The following SPEM2 variants were observed in gnomAD, a reference collection of about 807,000 sequenced individuals.
SPEM2 encodes SPEM family member 2.
In SPEM2, 15 loss-of-function variants were observed where a neutral mutation model predicts 9.3. The ratio of observed to expected loss-of-function variants is 1.62; its 90% confidence interval spans 1.08 to 2.50. The LOEUF is 2.50. Ranked by LOEUF, SPEM2 falls within the 30% of genes most tolerant of loss-of-function variation. SPEM2 has a pLI of 0.00. For synonymous variants in SPEM2, 268 were observed against 272.4 expected (o/e 0.98, Z 0.16); for missense variants, 678 against 690.0 (o/e 0.98, Z 0.19).
At position 7,427,212 on chromosome 17, in the gene SPEM2, G is replaced by A; in HGVS notation, c.1221G>A (p.Leu407=). 1 of 1,614,188 alleles carries A rather than the reference G, an allele frequency of 6.2e-7. No homozygotes were observed. Residue 407 remains leucine (L), a synonymous_variant, in exon 3 of 3, where the codon TTG becomes TTA. Transcript: ENST00000333870. This position sits in a 1 kb window ranked among gnomAD's most constrained non-coding sequence, Gnocchi z 5.4. ...PLTTSASLTV[L]DEASHQRTPA... is the part of the protein sequence containing the mutation. Reference sequence around the variant, plus strand: ...CTACCTCTGCCTCCCTCACGGTGTTGGACGAGGCCTCCCATCAACGGACCC... The same window carrying A: ...CTACCTCTGCCTCCCTCACGGTGTTAGACGAGGCCTCCCATCAACGGACCC...
Position 7,427,452 on chromosome 17 carries a change from C to G in SPEM2, c.1461C>G (p.Thr487=). 6.2e-7 allele frequency: 1 copy of G among 1,602,786 alleles called. No homozygotes were observed. Among genetic ancestry groups the G allele is most frequent in the Non-Finnish European group, 8.5e-7 (1 of 1,173,376 alleles). ...SSSLPPASTS[T]LRPSLHRSQT... ...CACTGCCACCGGCTTCCACCTCCAC[C>G]TTGAGGCCCTCTCTGCACAGGAGCC... The change falls in exon 3 of 3, where the codon ACC becomes ACG. Residue 487 remains threonine, a synonymous_variant. Transcript: ENST00000333870. The surrounding 1 kb of genome is among the most constrained non-coding windows in gnomAD (Gnocchi z 5.4).
Position 7,426,187 on chromosome 17 carries a change from G to A in SPEM2, c.197-1G>A. On this transcript the variant is annotated splice_acceptor_variant, in intron 2 of 2. Transcript: ENST00000333870. LOFTEE classifies it high-confidence loss of function. The surrounding 1 kb of genome is among the most constrained non-coding windows in gnomAD (Gnocchi z 5.3). ...ACTTCATGGACTCTTGCCTTCCCCA[G>A]ATGAAATTCAGGCCAGTGAAAGTCC... The A allele has an allele frequency of 1.9e-6, 3 of 1,613,062 alleles. No individual in the cohort carries two copies. The highest frequency in any genetic ancestry group is 2.5e-6 in the Non-Finnish European group (3 of 1,179,210).
Position 7,425,698 on chromosome 17 carries a change from C to G in SPEM2, c.10C>G (p.Gln4Glu). 1 of 1,613,852 alleles carries G rather than the reference C, an allele frequency of 6.2e-7. No homozygotes were observed. The highest frequency in any genetic ancestry group is 1.1e-5 in the South Asian group (1 of 91,080). MEN[Q>E]LWHNTVRCCN... is the part of the protein sequence containing the mutation. ...CTAGGACCCCCCCTCCATGGAAAAC[C>G]AGCTATGGCATAACACCGTGAGATG... The change falls in exon 1 of 3, where the codon CAG becomes GAG. Residue 4 changes from glutamine to glutamate, a missense_variant. Transcript: ENST00000333870.
At position 7,426,356 on chromosome 17, in the gene SPEM2, G is replaced by A. The variant is rs767695073; in HGVS notation, c.365G>A (p.Arg122His). ...AACCATCACAGTAGCAGTCTTCTTC[G>A]CTGTGTTCGTCGCCGCCGCCGCCGC... ...FSNHHSSSLL[R>H]CVRRRRRRHR... is the part of the protein sequence containing the mutation. The change falls in exon 3 of 3, where the codon CGC becomes CAC. Residue 122 changes from arginine to histidine, a missense_variant. Transcript: ENST00000333870. The surrounding 1 kb of genome is among the most constrained non-coding windows in gnomAD (Gnocchi z 5.3). 101 of 1,613,788 alleles carry A rather than the reference G, an allele frequency of 6.3e-5. No individual in the cohort carries two copies. The highest frequency in any genetic ancestry group is 7.3e-5 in the Non-Finnish European group (86 of 1,180,036).
At position 7,426,769 on chromosome 17, in the gene SPEM2, C is replaced by T. The variant is rs1025720494; in HGVS notation, c.778C>T (p.Arg260Cys). ...RSELRLQSYG[R>C]HGSQSRLWGN... Reference sequence around the variant, plus strand: ...TGAGCTGAGGCTGCAGTCCTATGGGCGCCACGGTTCCCAATCCCGACTGTG... The same window carrying T: ...TGAGCTGAGGCTGCAGTCCTATGGGTGCCACGGTTCCCAATCCCGACTGTG... Residue 260 changes from arginine (R) to cysteine (C), a missense_variant, in exon 3 of 3, where the codon CGC becomes TGC. By Grantham distance (180) the Arg-to-Cys change is radical. Transcript: ENST00000333870. This position sits in a 1 kb window ranked among gnomAD's most constrained non-coding sequence, Gnocchi z 5.3. 15 of 1,602,380 alleles carry T rather than the reference C, an allele frequency of 9.4e-6. No homozygotes were observed. The highest frequency in any genetic ancestry group is 1.7e-4 in the Middle Eastern group (1 of 6,018).
chr17:7,425,620 C>A lies in SPEM2; in HGVS notation c.-69C>A. On this transcript the variant is annotated 5_prime_UTR_variant, in exon 1 of 3. Coordinates refer to ENST00000333870, the MANE Select transcript of SPEM2 (RefSeq NM_175734.5). Reference sequence around the variant, plus strand: ...TTATCTCCGGGGATTGGCATGAGTGCAGTGTGGGTTGGGGCCGGGGGTGGG... The same window carrying A: ...TTATCTCCGGGGATTGGCATGAGTGAAGTGTGGGTTGGGGCCGGGGGTGGG... 6.9e-7 allele frequency: 1 copy of A among 1,440,044 alleles called. No individual in the cohort carries two copies. The allele number at this position is 1,440,044 out of a possible 1,614,324, so 89.2% of individuals were successfully genotyped here. A position where few individuals can be genotyped will look rare whatever the true frequency, so the allele number is the denominator to read the frequency against.
In SPEM2 at chr17:7,426,850, C is replaced by A. The variant is rs750562666; in HGVS notation, c.859C>A (p.Pro287Thr). ...ASSPPPPHRL[P>T]PNPSWVPVGH... Reference sequence around the variant, plus strand: ...GTCTCCACCACCTCCCCACCGGCTGCCCCCTAACCCCTCTTGGGTCCCCGT... The same window carrying A: ...GTCTCCACCACCTCCCCACCGGCTGACCCCTAACCCCTCTTGGGTCCCCGT... Residue 287 changes from proline to threonine, a missense_variant, in exon 3 of 3, where the codon CCC (proline) becomes ACC (threonine). Coordinates refer to ENST00000333870, the MANE Select transcript of SPEM2 (RefSeq NM_175734.5). The surrounding 1 kb of genome is among the most constrained non-coding windows in gnomAD (Gnocchi z 5.3). 1.2e-5 allele frequency: 19 copies of A among 1,610,618 alleles called. No individual in the cohort carries two copies. Among genetic ancestry groups the A allele is most frequent in the Middle Eastern group, 1.6e-4 (1 of 6,068 alleles).
At position 7,426,916 on chromosome 17, in the gene SPEM2, G is replaced by T. The variant is rs377350715; in HGVS notation, c.925G>T (p.Asp309Tyr). ...PYPSVGWMLYDSWDQRRRGTE... is the reference protein window; with the variant it reads ...PYPSVGWMLYYSWDQRRRGTE... ...CCCCTCAGTGGGCTGGATGCTGTAT[G>T]ACTCCTGGGATCAGCGGCGTCGTGG... Residue 309 changes from aspartate to tyrosine, a missense_variant, in exon 3 of 3, where the codon GAC becomes TAC. Coordinates refer to ENST00000333870, the MANE Select transcript of SPEM2 (RefSeq NM_175734.5). This position sits in a 1 kb window ranked among gnomAD's most constrained non-coding sequence, Gnocchi z 5.3. 504 of 1,613,352 alleles carry T rather than the reference G, an allele frequency of 3.1e-4. 8 individuals are homozygous for T. The South Asian group carries it at 5.2e-3, about 17-fold the overall frequency.
chr17:7,427,557 G>C lies in SPEM2; in HGVS notation c.*60G>C. 6.6e-7 allele frequency: 1 copy of C among 1,517,914 alleles called. No individual in the cohort carries two copies. Among genetic ancestry groups the C allele is most frequent in the Non-Finnish European group, 8.8e-7 (1 of 1,133,838 alleles). 94.0% of individuals were successfully genotyped at this position (1,517,914 alleles called of 1,614,324 possible). On this transcript the variant is annotated 3_prime_UTR_variant, in exon 3 of 3. Transcript: ENST00000333870. This position sits in a 1 kb window ranked among gnomAD's most constrained non-coding sequence, Gnocchi z 5.4. Reference sequence around the variant, plus strand: ...GGAGGGAGAGGAATAAAGAGAAACAGAGTCCAGGAAACACTGTGGTGGTCT... The same window carrying C: ...GGAGGGAGAGGAATAAAGAGAAACACAGTCCAGGAAACACTGTGGTGGTCT...
At position 7,426,706 on chromosome 17, in the gene SPEM2, G is replaced by A. The variant is rs1907622626; in HGVS notation, c.715G>A (p.Glu239Lys). 6 of 1,613,712 alleles carry A rather than the reference G, an allele frequency of 3.7e-6. No individual in the cohort carries two copies. The highest frequency in any genetic ancestry group is 1.3e-5 in the African/African-American group (1 of 74,934). The change falls in exon 3 of 3, where the codon GAG becomes AAG. Residue 239 changes from glutamate (E) to lysine (K), a missense_variant. Physicochemically the swap from Glu to Lys is moderately conservative, Grantham distance 56 (BLOSUM62 1). Transcript: ENST00000333870. This position sits in a 1 kb window ranked among gnomAD's most constrained non-coding sequence, Gnocchi z 5.3. ...LPPPSLYLSP[E>K]LRCMPKRVEA... ...ACCACCCTCTCTCTACCTGTCACCTGAGCTGCGCTGCATGCCCAAGCGTGT... is the reference window on the plus strand; with the variant it reads ...ACCACCCTCTCTCTACCTGTCACCTAAGCTGCGCTGCATGCCCAAGCGTGT...
In SPEM2 at chr17:7,425,696, A is replaced by C. The variant is rs1388306634; in HGVS notation, c.8A>C (p.Asn3Thr). Residue 3 changes from asparagine (N) to threonine (T), a missense_variant, in exon 1 of 3, where the codon AAC becomes ACC. By Grantham distance (65) the Asn-to-Thr change is moderately conservative. Transcript: ENST00000333870. The part of the protein sequence containing the change: ME[N>T]QLWHNTVRCC... ...CCCTAGGACCCCCCCTCCATGGAAA[A>C]CCAGCTATGGCATAACACCGTGAGA... The C allele has an allele frequency of 7.4e-6, 12 of 1,613,474 alleles. No homozygotes were observed. The highest frequency in any genetic ancestry group is 1.0e-5 in the Non-Finnish European group (12 of 1,179,710).
Position 7,427,250 on chromosome 17 carries a change from C to CAGTGCTGG in SPEM2, c.1260_1267dup (p.Val423GlufsTer47). On this transcript the variant is annotated frameshift_variant, in exon 3 of 3. Transcript: ENST00000333870. LOFTEE classifies it low-confidence loss of function (END_TRUNC). The surrounding 1 kb of genome is among the most constrained non-coding windows in gnomAD (Gnocchi z 5.4). ...CATCAACGGACCCCAGCTCCAAGCT[C>CAGTGCTGG]AGTGCTGGTCCCCCATTCCTCCCAG... is the stretch of plus-strand genomic sequence containing the variant. The CAGTGCTGG allele has an allele frequency of 6.2e-7, 1 of 1,614,220 alleles. No individual in the cohort carries two copies. Among genetic ancestry groups the CAGTGCTGG allele is most frequent in the South Asian group, 1.1e-5 (1 of 91,090 alleles).
At chr17:7,425,966 C>A (rs1168079787) in intron 1 of SPEM2, 27 bp from the exon 2 acceptor site, 3 of 1,613,930 alleles carry the variant, frequency 1.9e-6, no homozygotes, top group African/African-American at 2.7e-5. Flanking sequence ...GAGGGCCTGG[C>A]CTTCACTCTC....
rs767957993 is a variant in SPEM2, at chr17:7,426,624, C to A, written c.633C>A (p.Gly211=). Residue 211 remains glycine, a synonymous_variant, in exon 3 of 3, where the codon GGC becomes GGA. Coordinates refer to ENST00000333870, the MANE Select transcript of SPEM2 (RefSeq NM_175734.5). The surrounding 1 kb of genome is among the most constrained non-coding windows in gnomAD (Gnocchi z 5.3). The stretch of plus-strand genomic sequence containing the variant: ...GGGGCGGGTTTTATCAGAGAGCGGG[C>A]CTGCCCTCCAATGTGGGGCTGTGGG... The part of the protein sequence containing the change: ...RGWGGFYQRA[G]LPSNVGLWGH... 36 of 1,613,850 alleles carry A rather than the reference C, an allele frequency of 2.2e-5. No individual in the cohort carries two copies. Among genetic ancestry groups the A allele is most frequent in the Non-Finnish European group, 3.0e-5 (35 of 1,179,902 alleles).
chr17:7,426,290 G>T lies in SPEM2; in HGVS notation c.299G>T (p.Arg100Leu). ...GACCCTGTGCAGGTGAAGATGTCCCGACCCACGCAGTACTCCTCTTTCTCC... is the reference window on the plus strand; with the variant it reads ...GACCCTGTGCAGGTGAAGATGTCCCTACCCACGCAGTACTCCTCTTTCTCC... ...ILDPVQVKMS[R>L]PTQYSSFSCH... is the part of the protein sequence containing the mutation. Residue 100 changes from arginine to leucine, a missense_variant, in exon 3 of 3, where the codon CGA becomes CTA. By Grantham distance (102) the Arg-to-Leu change is moderately radical (BLOSUM62 -2). Coordinates refer to ENST00000333870, the MANE Select transcript of SPEM2 (RefSeq NM_175734.5). The surrounding 1 kb of genome is among the most constrained non-coding windows in gnomAD (Gnocchi z 5.3). 6.2e-7 allele frequency: 1 copy of T among 1,614,084 alleles called. No individual in the cohort carries two copies. The highest frequency in any genetic ancestry group is 1.1e-5 in the South Asian group (1 of 91,070).
Position 7,427,511 on chromosome 17 carries a change from G to A in SPEM2, c.*14G>A. Reference sequence around the variant, plus strand: ...AAACTCAACTGACCAGCAGGCGGATGTGGGGTGTGGGGCAGGGCATGGAGG... The same window carrying A: ...AAACTCAACTGACCAGCAGGCGGATATGGGGTGTGGGGCAGGGCATGGAGG... On this transcript the variant is annotated 3_prime_UTR_variant, in exon 3 of 3. Coordinates refer to ENST00000333870, the MANE Select transcript of SPEM2 (RefSeq NM_175734.5). The surrounding 1 kb of genome is among the most constrained non-coding windows in gnomAD (Gnocchi z 5.4). 1.3e-6 allele frequency: 2 copies of A among 1,554,988 alleles called. No individual in the cohort carries two copies. Among genetic ancestry groups the A allele is most frequent in the Non-Finnish European group, 1.7e-6 (2 of 1,149,288 alleles).
At position 7,427,524 on chromosome 17, in the gene SPEM2, C is replaced by T; in HGVS notation, c.*27C>T. 1 of 1,545,726 alleles carries T rather than the reference C, an allele frequency of 6.5e-7. No individual in the cohort carries two copies. Among genetic ancestry groups the T allele is most frequent in the East Asian group, 2.3e-5 (1 of 44,228 alleles). On this transcript the variant is annotated 3_prime_UTR_variant, in exon 3 of 3. Coordinates refer to ENST00000333870, the MANE Select transcript of SPEM2 (RefSeq NM_175734.5). This position sits in a 1 kb window ranked among gnomAD's most constrained non-coding sequence, Gnocchi z 5.4. ...CAGCAGGCGGATGTGGGGTGTGGGGCAGGGCATGGAGGGAGAGGAATAAAG... is the reference window on the plus strand; with the variant it reads ...CAGCAGGCGGATGTGGGGTGTGGGGTAGGGCATGGAGGGAGAGGAATAAAG...
chr17:7,426,347 GTCT>G lies in SPEM2; in HGVS notation c.362_364del (p.Leu121del), dbSNP rs1299461025. 6 of 1,614,020 alleles carry G rather than the reference GTCT, an allele frequency of 3.7e-6. No homozygotes were observed. In the East Asian group the frequency reaches 6.7e-5, roughly 18 times the overall value. Reference sequence around the variant, plus strand: ...CATTTCTCCAACCATCACAGTAGCAGTCTTCTTCGCTGTGTTCGTCGCCGCCGC... The same window carrying G: ...CATTTCTCCAACCATCACAGTAGCAGTCTTCGCTGTGTTCGTCGCCGCCGC... On this transcript the variant is annotated inframe_deletion, in exon 3 of 3. Coordinates refer to ENST00000333870, the MANE Select transcript of SPEM2 (RefSeq NM_175734.5). This position sits in a 1 kb window ranked among gnomAD's most constrained non-coding sequence, Gnocchi z 5.3.
At position 7,427,263 on chromosome 17, in the gene SPEM2, C is replaced by G. The variant is rs757100482; in HGVS notation, c.1272C>G (p.Pro424=). 4.3e-6 allele frequency: 7 copies of G among 1,614,086 alleles called. No individual in the cohort carries two copies. The highest frequency in any genetic ancestry group is 1.1e-5 in the South Asian group (1 of 91,092). The change falls in exon 3 of 3, where the codon CCC becomes CCG. Residue 424 remains proline, a synonymous_variant. Transcript: ENST00000333870. This position sits in a 1 kb window ranked among gnomAD's most constrained non-coding sequence, Gnocchi z 5.4. ...CAGCTCCAAGCTCAGTGCTGGTCCC[C>G]CATTCCTCCCAGCCCTGGCCCAAAG... is the stretch of plus-strand genomic sequence containing the variant. ...RTPAPSSVLV[P]HSSQPWPKVQ...
Sources: allele counts gnomAD v4.1 joint callset, GRCh38; gene constraint gnomAD v4.1.1; non-coding constraint Gnocchi (gnomAD v3.1); transcripts MANE v1.5; gene names NCBI Gene and HGNC (gene_info 2026-07-23, HGNC 2026-07-21).